Variants in MAP3K15 observed in about 807,000 individuals in gnomAD.
MAP3K15 encodes MAPK/ERK kinase kinase 15.
MAP3K15 carries 124 observed loss-of-function variants against 99.5 expected under a neutral mutation model. That is an observed-to-expected ratio of 1.25 (90% CI 1.08 to 1.45). The LOEUF (loss-of-function observed/expected upper bound fraction) is 1.45, where lower values mean the gene tolerates loss of function less well. Ranked by LOEUF, MAP3K15 falls within the 40% of genes most tolerant of loss-of-function variation. The pLI is 0.00. For missense variants in MAP3K15, 1,242 were observed against 1,079.7 expected (o/e 1.15, Z -2.11); for synonymous variants, 494 against 439.6 (o/e 1.12, Z -1.55).
chrX:19,492,772 G>A (rs1286520607), intron 1 of MAP3K15, among the ~76,000 whole-genome samples: 1 of 110,972 alleles, frequency 9.0e-6, no homozygotes. Context: ...TTTGAGACCA[G>A]CCTACCCAAC....
chrX:19,425,705 T>G lies in MAP3K15; in HGVS notation c.1280-15A>C. The G allele has an allele frequency of 8.5e-7, 1 of 1,176,694 alleles. No homozygotes were observed. The highest frequency in any genetic ancestry group is 2.3e-5 in the Admixed American group (1 of 42,816). ...CAGCCGGACACCTTAAGAATTTGAA[T>G]TTTTGATAGTCAGAATAATCTTTTT... is the stretch of plus-strand genomic sequence containing the variant. On this transcript the variant is annotated splice_polypyrimidine_tract_variant and intron_variant, in intron 8 of 28. Coordinates refer to ENST00000338883, the MANE Select transcript of MAP3K15 (RefSeq NM_001001671.4).
chrX:19,436,147 G>A (rs1466954746), intron 6 of MAP3K15, among the ~76,000 whole-genome samples: 2 of 89,653 alleles, frequency 2.2e-5, no homozygotes, highest in African/African-American at 1.1e-4. Flanking sequence ...AGAGGGAAAC[G>A]CCATGTCAAA....
chrX:19,491,727 T>A (rs2064370073), intron 1 of MAP3K15, among the ~76,000 whole-genome samples: 1 of 109,618 alleles, frequency 9.1e-6, no homozygotes, highest in African/African-American at 3.3e-5. Flanking sequence ...TGAGACAGAG[T>A]CTCAAAAATG....
At position 19,374,742 on chromosome X, in the gene MAP3K15, G is replaced by A. The variant is rs147442785; in HGVS notation, c.2590-82C>T. 156 of 898,321 alleles carry A rather than the reference G, an allele frequency of 1.7e-4. No individual in the cohort carries two copies. The African/African-American group carries it at 2.8e-3, about 16-fold the overall frequency. 74.0% of individuals were successfully genotyped at this position (898,321 alleles called of 1,213,427 possible). On this transcript the variant is annotated intron_variant, in intron 19 of 28. Coordinates refer to ENST00000338883, the MANE Select transcript of MAP3K15 (RefSeq NM_001001671.4). The stretch of plus-strand genomic sequence containing the variant: ...ATCCATGTCTCAGTCCAAAGCTCCT[G>A]TACACCTGACATCCCAGGACAGGCA...
At chrX:19,393,364 C>T (rs1468574750) in intron 16 of MAP3K15, among the ~76,000 whole-genome samples, 2 of 112,206 alleles carry the variant, frequency 1.8e-5, no homozygotes, top group African/African-American at 6.5e-5. Flanking sequence ...GGCACGGTGG[C>T]TCACGCCTGT....
chrX:19,368,062 T>C lies in MAP3K15; in HGVS notation c.3566+992A>G, dbSNP rs1434068017. Among the ~76,000 whole-genome samples the C allele has an allele frequency of 3.6e-5, 4 of 110,419 alleles. No individual in the cohort carries two copies. In the Admixed American group the frequency reaches 3.9e-4, roughly 11 times the overall value. On this transcript the variant is annotated intron_variant, in intron 25 of 28. Transcript: ENST00000338883. ...GTGCCCGGTCAACTATGGATTACTT[T>C]TAAAAACCAAATCACGCAGCTGATA...
intron 6 of MAP3K15, among the ~76,000 whole-genome samples, chrX:19,437,414 T>G (rs1751913649): frequency 9.0e-6 from 1 of 111,521 alleles, no homozygotes; most frequent in Admixed American, 9.6e-5. Flanking sequence ...CAACCTCATC[T>G]CTTACCACTC....
At chrX:19,371,953 C>T (rs1007064431) in intron 22 of MAP3K15, among the ~76,000 whole-genome samples, 4 of 109,845 alleles carry the variant, frequency 3.6e-5, no homozygotes, top group East Asian at 2.9e-4. Flanking sequence ...GCCAACAAGG[C>T]GAAACCCCAT....
rs929685228 is a variant in MAP3K15 at position 19,498,106 on chromosome X, T to C, written c.362-9139A>G. Among the ~76,000 whole-genome samples the C allele has an allele frequency of 7.1e-4, 75 of 105,813 alleles. 1 individual carries two copies. In the Admixed American group the frequency reaches 7.3e-3, roughly 10 times the overall value. 91.9% of individuals were successfully genotyped at this position (105,813 alleles called of 115,157 possible). ...TGTATACTGATCGATACCATTAATT[T>C]AAACATAAAAGCAAGCTTTGGCATG... On this transcript the variant is annotated intron_variant, in intron 1 of 28. Transcript: ENST00000338883.
intron 19 of MAP3K15, among the ~76,000 whole-genome samples, chrX:19,375,381 G>A (rs949463259): frequency 1.8e-5 from 2 of 111,566 alleles, no homozygotes; most frequent in Admixed American, 1.9e-4. Context: ...AAAACCACAA[G>A]CAGACAAAAC....
At chrX:19,387,150 G>C (rs992871304) in intron 18 of MAP3K15, among the ~76,000 whole-genome samples, 1 of 111,457 alleles carries the variant, frequency 9.0e-6, no homozygotes, top group Non-Finnish European at 1.9e-5. Flanking sequence ...CCTTTGAAGG[G>C]GGCTTCACTG....
intron 1 of MAP3K15, among the ~76,000 whole-genome samples, chrX:19,491,963 G>A (rs1173168895): frequency 9.2e-6 from 1 of 108,168 alleles, no homozygotes; most frequent in African/African-American, 3.4e-5. Flanking sequence ...TGGGATTACA[G>A]GCGTTAGCCA....
intron 16 of MAP3K15, among the ~76,000 whole-genome samples, chrX:19,393,471 A>C (rs1174845649): frequency 9.0e-6 from 1 of 110,931 alleles, no homozygotes; most frequent in African/African-American, 3.3e-5. Flanking sequence ...TCTCTACTAA[A>C]AATACAAAAA....
intron 1 of MAP3K15, among the ~76,000 whole-genome samples, chrX:19,506,880 T>C (rs780325567): frequency 8.3e-4 from 93 of 112,035 alleles, no homozygotes; most frequent in Non-Finnish European, 1.5e-3. Flanking sequence ...CTAGTATGGG[T>C]TGCAATACTT....
At chrX:19,465,740 C>T (rs961988940) in intron 3 of MAP3K15, among the ~76,000 whole-genome samples, 15 of 109,161 alleles carry the variant, frequency 1.4e-4, no homozygotes, top group Admixed American at 3.0e-4. Flanking sequence ...GGCAACAGAG[C>T]GAGACTACAT....
intron 13 of MAP3K15, among the ~76,000 whole-genome samples, chrX:19,404,513 C>T (rs961712918): frequency 8.9e-6 from 1 of 111,811 alleles, no homozygotes. Flanking sequence ...CTAATATTTA[C>T]GTGGAAATGC....
chrX:19,510,356 G>C (rs1414655513), intron 1 of MAP3K15, among the ~76,000 whole-genome samples: 1 of 112,026 alleles, frequency 8.9e-6, no homozygotes, highest in Non-Finnish European at 1.9e-5. Flanking sequence ...CCATGATCAA[G>C]TCGGCTTCAT....
At chrX:19,497,943 A>G (rs1488693602) in intron 1 of MAP3K15, among the ~76,000 whole-genome samples, 1 of 111,640 alleles carries the variant, frequency 9.0e-6, no homozygotes, top group African/African-American at 3.3e-5. Context: ...ACCTGCAGGC[A>G]TATAAAGCAA....
chrX:19,446,269 C>G (rs905178176), intron 6 of MAP3K15, among the ~76,000 whole-genome samples: 5 of 112,127 alleles, frequency 4.5e-5, no homozygotes, highest in Non-Finnish European at 7.5e-5. Flanking sequence ...TGAGATAGAT[C>G]GCTGATAGGA....
Sources: allele counts gnomAD v4.1 joint callset (sites outside exome capture counted in the v4.1 genomes callset), GRCh38; gene constraint gnomAD v4.1.1; transcripts MANE v1.5; gene names NCBI Gene and HGNC (gene_info 2026-07-23, HGNC 2026-07-21).